Variants in ANKRD36C observed in about 807,000 individuals in gnomAD.
ANKRD36C encodes ankyrin repeat domain-containing protein 36C.
ANKRD36C carries 61 observed loss-of-function variants against 276.4 expected under a neutral mutation model. That is an observed-to-expected ratio of 0.22 (90% CI 0.18 to 0.27). The LOEUF (loss-of-function observed/expected upper bound fraction) is 0.27, where lower values mean the gene tolerates loss of function less well. Among genes scored for constraint, ANKRD36C ranks in the 10% least tolerant of loss-of-function variants. ANKRD36C has a pLI of 1.00. For synonymous variants in ANKRD36C, 483 were observed against 680.1 expected (o/e 0.71, Z 4.51); for missense variants, 1,447 against 2,032.3 (o/e 0.71, Z 5.54).
At chr2:95,883,323 T>C (rs1454393431) in intron 54 of ANKRD36C, among the ~76,000 whole-genome samples, 1 of 152,126 alleles carries the variant, frequency 6.6e-6, no homozygotes, top group Non-Finnish European at 1.5e-5. Flanking sequence ...AGTCAATTAA[T>C]GAATTCAAAT....
chr2:95,969,773 A>G (rs1678662651), intron 6 of ANKRD36C, among the ~76,000 whole-genome samples: 1 of 152,226 alleles, frequency 6.6e-6, no homozygotes, highest in Non-Finnish European at 1.5e-5. Flanking sequence ...TGCAGAAAGT[A>G]GGGTGACTAT....
At chr2:95,902,635 C>T (rs1046087081) in intron 42 of ANKRD36C, among the ~76,000 whole-genome samples, 24 of 150,146 alleles carry the variant, frequency 1.6e-4, no homozygotes, top group Non-Finnish European at 2.8e-4. Flanking sequence ...CCCAGAGCCC[C>T]TTATGCCTTG....
At chr2:95,959,827 A>G (rs1678414907) in intron 10 of ANKRD36C, among the ~76,000 whole-genome samples, 1 of 152,158 alleles carries the variant, frequency 6.6e-6, no homozygotes, top group African/African-American at 2.4e-5. Flanking sequence ...TTAACAGGTG[A>G]CTGTGGTTCA....
rs192756422 is a variant in ANKRD36C, at chr2:95,919,872, G to A, written c.2245+1735C>T. 4.5e-6 allele frequency: 7 copies of A among 1,544,286 alleles called. 1 individual carries two copies. In the African/African-American group the frequency reaches 7.1e-5, roughly 16 times the overall value. ...TGAAGTATGTGTCATAGACTACAAT[G>A]TAAATGAGAGTTTAATTACCTTCAA... On this transcript the variant is annotated intron_variant, in intron 34 of 66. Coordinates refer to ENST00000456556, the Ensembl canonical transcript of ANKRD36C.
At chr2:95,961,627 C>G (rs1367510846) in intron 8 of ANKRD36C, among the ~76,000 whole-genome samples, 9 of 152,020 alleles carry the variant, frequency 5.9e-5, no homozygotes, top group Non-Finnish European at 8.8e-5. Flanking sequence ...TATGCATATT[C>G]ATGATTAGCC....
intron 55 of ANKRD36C, 45 bp downstream of exon 75, chr2:95,882,424 G>C (rs1676104959): frequency 6.5e-7 from 1 of 1,546,486 alleles, no homozygotes; most frequent in Non-Finnish European, 8.7e-7. Context: ...ATATTTCATA[G>C]GCTATGCAAT....
chr2:95,890,513 A>C (rs1452100730), intron 46 of ANKRD36C, among the ~76,000 whole-genome samples: 1 of 151,536 alleles, frequency 6.6e-6, no homozygotes, highest in Non-Finnish European at 1.5e-5. Context: ...TCCTAAATTG[A>C]TGACTTTGGA....
rs1016553740 is a variant in ANKRD36C, at chr2:95,884,055, C to G, written c.3265+118G>C. On this transcript the variant is annotated intron_variant, in intron 54 of 66. Coordinates refer to ENST00000456556, the Ensembl canonical transcript of ANKRD36C. Reference sequence around the variant, plus strand: ...CGAGAACTTATTACAAATGAAGAATCTCAGGTCTGCAGAATCAGAATGTGC... The same window carrying G: ...CGAGAACTTATTACAAATGAAGAATGTCAGGTCTGCAGAATCAGAATGTGC... 5.0e-6 allele frequency: 6 copies of G among 1,198,106 alleles called. No individual in the cohort carries two copies. The African/African-American group carries it at 7.7e-5, about 15-fold the overall frequency. The allele number at this position is 1,198,106 out of a possible 1,614,324, so 74.2% of individuals were successfully genotyped here. A position where few individuals can be genotyped will look rare whatever the true frequency, so the allele number is the denominator to read the frequency against.
At chr2:95,860,025 T>C (rs1467032923) in exon 61 of ANKRD36C, 23 of 1,547,100 alleles carry the variant, frequency 1.5e-5, no homozygotes, top group African/African-American at 2.7e-5. Flanking sequence ...GTTCTGTTAA[T>C]CTTTTACATA....
At chr2:95,888,561 A>C (rs953911184) in intron 48 of ANKRD36C, among the ~76,000 whole-genome samples, 3 of 151,720 alleles carry the variant, frequency 2.0e-5, no homozygotes, top group African/African-American at 7.3e-5. Context: ...CTTGCCCAAT[A>C]ACTGAGAAGG....
chr2:95,990,337 C>T (rs527755946), intron 1 of ANKRD36C, among the ~76,000 whole-genome samples: 1 of 152,292 alleles, frequency 6.6e-6, no homozygotes, highest in African/African-American at 2.4e-5. Context: ...TTGCAGTTTT[C>T]GCCATTACTT....
At position 95,897,087 on chromosome 2, in the gene ANKRD36C, G is replaced by A. The variant is rs534129897; in HGVS notation, c.2755+2058C>T. Among the ~76,000 whole-genome samples, 6 of 150,136 alleles carry A rather than the reference G, an allele frequency of 4.0e-5. No individual in the cohort carries two copies. In the East Asian group the frequency reaches 7.9e-4, roughly 20 times the overall value. On this transcript the variant is annotated intron_variant, in intron 44 of 66. Coordinates refer to ENST00000456556, the Ensembl canonical transcript of ANKRD36C. ...AATATGGGGAAGTGTATAATCTTAC[G>A]GCGAAGATCACGTTCCAGACCAGCA...
intron 6 of ANKRD36C, among the ~76,000 whole-genome samples, chr2:95,968,136 G>A (rs1477231821): frequency 6.6e-6 from 1 of 151,922 alleles, no homozygotes; most frequent in East Asian, 1.9e-4. Context: ...CTTAGACCTT[G>A]TAGGAAAAAA....
At chr2:95,870,003 A>T (rs1281220330) in intron 59 of ANKRD36C, among the ~76,000 whole-genome samples, 2 of 152,274 alleles carry the variant, frequency 1.3e-5, no homozygotes, top group Non-Finnish European at 2.9e-5. Context: ...TAAACAAAGC[A>T]GCTGGGAAGC....
chr2:95,902,292 C>T (rs1288452473), intron 42 of ANKRD36C, among the ~76,000 whole-genome samples: 10 of 148,664 alleles, frequency 6.7e-5, no homozygotes, highest in African/African-American at 2.5e-4. Flanking sequence ...TCCAGTAGTT[C>T]CTGGAGCAGC....
intron 28 of ANKRD36C, among the ~76,000 whole-genome samples, chr2:95,926,754 G>C (rs995051710): frequency 6.6e-6 from 1 of 151,460 alleles, no homozygotes; most frequent in African/African-American, 2.4e-5. Flanking sequence ...CCTCCTTCCT[G>C]CCTGACAATC....
At chr2:95,985,913 G>A (rs927547536) in intron 3 of ANKRD36C, among the ~76,000 whole-genome samples, 1 of 151,876 alleles carries the variant, frequency 6.6e-6, no homozygotes, top group Non-Finnish European at 1.5e-5. Context: ...TGAGAGTAGA[G>A]TTTAGATGCT....
At chr2:95,987,555 C>CAA (rs1679054240) in intron 1 of ANKRD36C, among the ~76,000 whole-genome samples, 1 of 147,154 alleles carries the variant, frequency 6.8e-6, no homozygotes, top group Non-Finnish European at 1.5e-5. Flanking sequence ...AGAACACTTT[C>CAA]TAACACAAAT....
At chr2:95,879,026 A>G (rs968162306) in intron 58 of ANKRD36C, among the ~76,000 whole-genome samples, 3 of 152,234 alleles carry the variant, frequency 2.0e-5, no homozygotes, top group African/African-American at 7.2e-5. Context: ...TTATTGCAGC[A>G]CTTTCCACAA....
Sources: allele counts gnomAD v4.1 joint callset (sites outside exome capture counted in the v4.1 genomes callset), GRCh38; gene constraint gnomAD v4.1.1; transcripts MANE v1.5; gene names NCBI Gene and HGNC (gene_info 2026-07-23, HGNC 2026-07-21).